The following KIAA2012 variants were observed in gnomAD, a reference collection of about 807,000 sequenced individuals.
The protein encoded by KIAA2012 is uncharacterized protein KIAA2012.
KIAA2012 carries 125 observed loss-of-function variants against 150.6 expected under a neutral mutation model. That is an observed-to-expected ratio of 0.83 (90% CI 0.72 to 0.96). KIAA2012 has a LOEUF of 0.96. Ranked by LOEUF, KIAA2012 falls within the 40% of genes least tolerant of loss-of-function variation. KIAA2012 has a pLI of 0.00. For missense variants in KIAA2012, 1,219 were observed against 1,354.9 expected (o/e 0.90, Z 1.57); for synonymous variants, 462 against 504.7 (o/e 0.92, Z 1.13).
intron 14 of KIAA2012, among the ~76,000 whole-genome samples, chr2:202,158,079 C>A (rs901342661): frequency 6.6e-6 from 1 of 152,162 alleles, no homozygotes; most frequent in African/African-American, 2.4e-5. Flanking sequence ...ACTGCAAGCT[C>A]CCCCTCCTGG....
At chr2:202,203,770 G>A (rs995595856) in intron 23 of KIAA2012, among the ~76,000 whole-genome samples, 1 of 144,004 alleles carries the variant, frequency 6.9e-6, no homozygotes, top group South Asian at 2.3e-4. Flanking sequence ...CTACCAGGAT[G>A]TCTTTTTTTT....
chr2:202,200,311 G>A (rs1365264247), intron 22 of KIAA2012, among the ~76,000 whole-genome samples: 1 of 152,098 alleles, frequency 6.6e-6, no homozygotes, highest in Non-Finnish European at 1.5e-5. Flanking sequence ...AGTTTTTCTG[G>A]CACCAAAACA....
intron 15 of KIAA2012, among the ~76,000 whole-genome samples, chr2:202,184,440 C>A (rs1447133422): frequency 1.3e-5 from 2 of 151,334 alleles, no homozygotes; most frequent in Non-Finnish European, 2.9e-5. Context: ...AAGCTTGTTT[C>A]TTCTTTTGAA....
At chr2:202,131,979 C>G (rs1294166618) in intron 12 of KIAA2012, among the ~76,000 whole-genome samples, 1 of 151,870 alleles carries the variant, frequency 6.6e-6, no homozygotes, top group African/African-American at 2.4e-5. Context: ...AGTTCAAGAC[C>G]AGCCTGACCA....
chr2:202,177,441 G>A (rs1667621349), intron 15 of KIAA2012, among the ~76,000 whole-genome samples: 1 of 152,182 alleles, frequency 6.6e-6, no homozygotes, highest in African/African-American at 2.4e-5. Context: ...GAACAGAACA[G>A]TCTCCCACAG....
At chr2:202,200,574 C>G (rs1692498248) in intron 22 of KIAA2012, among the ~76,000 whole-genome samples, 2 of 151,656 alleles carry the variant, frequency 1.3e-5, no homozygotes, top group Non-Finnish European at 2.9e-5. Flanking sequence ...AAATGGAAGA[C>G]TAGGGTTGGA....
At chr2:202,083,998 C>T (rs957592185) in intron 2 of KIAA2012, among the ~76,000 whole-genome samples, 1 of 152,056 alleles carries the variant, frequency 6.6e-6, no homozygotes, top group Non-Finnish European at 1.5e-5. Context: ...ACCTTCCAGG[C>T]TTAGGTGAGC....
At chr2:202,101,564 A>G (rs998903332) in intron 7 of KIAA2012, among the ~76,000 whole-genome samples, 2 of 152,248 alleles carry the variant, frequency 1.3e-5, no homozygotes, top group African/African-American at 4.8e-5. Context: ...ATTTTCCACC[A>G]TATTAAAACT....
chr2:202,100,263 C>A (rs6755174), intron 6 of KIAA2012, 44 bp from the exon 7 acceptor site: 806,308 of 1,528,018 alleles, frequency 0.53, 216,071 homozygotes, highest in African/African-American at 0.59. Flanking sequence ...GTTCATCCCC[C>A]TACCTGCAAT....
At chr2:202,099,337 T>A (rs1426899316) in intron 5 of KIAA2012, among the ~76,000 whole-genome samples, 2 of 152,190 alleles carry the variant, frequency 1.3e-5, no homozygotes, top group Non-Finnish European at 2.9e-5. Context: ...AGCACTTCAT[T>A]TTGATTTTTA....
At chr2:202,122,943 A>G (rs1690689281) in intron 11 of KIAA2012, among the ~76,000 whole-genome samples, 1 of 152,166 alleles carries the variant, frequency 6.6e-6, no homozygotes. Context: ...CAGCACCCAC[A>G]GGGCCACCGC....
chr2:202,094,428 G>C (rs1470286858), intron 4 of KIAA2012, among the ~76,000 whole-genome samples: 1 of 152,102 alleles, frequency 6.6e-6, no homozygotes, highest in Non-Finnish European at 1.5e-5. Flanking sequence ...TCAGAGCCTG[G>C]GGCCATTAAA....
chr2:202,099,672 G>T lies in KIAA2012; in HGVS notation c.888G>T (p.Lys296Asn). 1.3e-6 allele frequency: 2 copies of T among 1,550,436 alleles called. No homozygotes were observed. The highest frequency in any genetic ancestry group is 1.7e-6 in the Non-Finnish European group (2 of 1,146,908). The stretch of plus-strand genomic sequence containing the variant: ...CTTCAAAGGAGAGCTACAATGAAAA[G>T]ACACAGCAAACCTCCAGGAAGGCCT... ...LYASKESYNE[K>N]TQQTSRKAFG... is the part of the protein sequence containing the mutation. The change falls in exon 6 of 24, where the codon AAG becomes AAT. Residue 296 changes from lysine to asparagine, a missense_variant. Lys to Asn is a moderately conservative substitution (Grantham distance 94). Transcript: ENST00000498697.
At chr2:202,133,966 G>A (rs1337344830) in intron 12 of KIAA2012, among the ~76,000 whole-genome samples, 1 of 151,126 alleles carries the variant, frequency 6.6e-6, no homozygotes, top group Non-Finnish European at 1.5e-5. Context: ...TTATGGTTAA[G>A]TTTATACTGG....
intron 12 of KIAA2012, among the ~76,000 whole-genome samples, chr2:202,132,899 A>C (rs1246044739): frequency 1.4e-5 from 2 of 137,942 alleles, no homozygotes; most frequent in Non-Finnish European, 3.1e-5. Context: ...GATCGAGACC[A>C]TCCTGGCTAA....
intron 18 of KIAA2012, among the ~76,000 whole-genome samples, chr2:202,188,937 T>C (rs549015691): frequency 8.3e-4 from 127 of 152,330 alleles, no homozygotes; most frequent in African/African-American, 2.6e-3. Flanking sequence ...CATCCTTTAC[T>C]GCCCACATGA....
At chr2:202,150,263 G>A (rs566911566) in intron 13 of KIAA2012, among the ~76,000 whole-genome samples, 40 of 152,216 alleles carry the variant, frequency 2.6e-4, no homozygotes, top group African/African-American at 8.9e-4. Flanking sequence ...AATCTTTATT[G>A]TTTCATTTAC....
chr2:202,086,274 A>C (rs1689570514), intron 2 of KIAA2012, among the ~76,000 whole-genome samples: 1 of 151,998 alleles, frequency 6.6e-6, no homozygotes, highest in African/African-American at 2.4e-5. Flanking sequence ...TGCCATCCGC[A>C]CAGGGGCCAC....
chr2:202,133,385 G>A (rs1225740298), intron 12 of KIAA2012, among the ~76,000 whole-genome samples: 2 of 151,792 alleles, frequency 1.3e-5, no homozygotes, highest in East Asian at 3.9e-4. Context: ...AAACTGCCAT[G>A]TGCCTTTAGA....
Sources: allele counts gnomAD v4.1 joint callset (sites outside exome capture counted in the v4.1 genomes callset), GRCh38; gene constraint gnomAD v4.1.1; transcripts MANE v1.5; gene names NCBI Gene and HGNC (gene_info 2026-07-23, HGNC 2026-07-21).